Variants in PHACTR1 observed in about 807,000 individuals in gnomAD.
The protein encoded by PHACTR1 is RPEL repeat containing 1.
A neutral mutation model predicts 69.2 loss-of-function variants in PHACTR1; 16 were observed. The observed-to-expected ratio is 0.23, with a 90% CI of 0.16 to 0.35. The LOEUF (loss-of-function observed/expected upper bound fraction) is 0.35. Ranked by LOEUF, PHACTR1 falls within the 10% of genes least tolerant of loss-of-function variation. PHACTR1 has a pLI of 1.00. For missense variants in PHACTR1, 510 were observed against 734.7 expected (o/e 0.69, Z 3.54); for synonymous variants, 312 against 284.5 (o/e 1.10, Z -0.97).
chr6:12,931,066 T>C (rs1016177714), intron 4 of PHACTR1, among the ~76,000 whole-genome samples: 2 of 151,732 alleles, frequency 1.3e-5, no homozygotes, highest in African/African-American at 4.8e-5. Context: ...TAGGCAATTT[T>C]AGTGGTCAAG....
chr6:13,023,984 G>A (rs1369811110), intron 4 of PHACTR1, among the ~76,000 whole-genome samples: 1 of 152,052 alleles, frequency 6.6e-6, no homozygotes, highest in South Asian at 2.1e-4. Flanking sequence ...GGCTGAGGCT[G>A]GAGAATCACT....
chr6:13,090,146 C>T (rs1044804996), intron 5 of PHACTR1, among the ~76,000 whole-genome samples: 15 of 152,282 alleles, frequency 9.9e-5, no homozygotes, highest in African/African-American at 3.4e-4. Context: ...CCTCCGCCTC[C>T]TGTGTTCAAG....
At chr6:13,126,147 A>G (rs1819504883) in intron 5 of PHACTR1, among the ~76,000 whole-genome samples, 1 of 152,160 alleles carries the variant, frequency 6.6e-6, no homozygotes, top group South Asian at 2.1e-4. Flanking sequence ...AATGGTTCAA[A>G]TCATACAACT....
At chr6:12,743,288 C>G (rs558656924) in intron 3 of PHACTR1, among the ~76,000 whole-genome samples, 1 of 152,038 alleles carries the variant, frequency 6.6e-6, no homozygotes, top group South Asian at 2.1e-4. Flanking sequence ...TCTCTCCAGT[C>G]TCCCACTTTT....
chr6:12,868,586 A>G (rs1026064072), intron 4 of PHACTR1, among the ~76,000 whole-genome samples: 1 of 5,456 alleles, frequency 1.8e-4, no homozygotes, highest in African/African-American at 2.0e-4. Flanking sequence ...TATTGCAGAG[A>G]AACACATAAT....
intron 5 of PHACTR1, among the ~76,000 whole-genome samples, chr6:13,064,610 A>ATATATATATC (rs1808313715): frequency 4.3e-4 from 4 of 9,270 alleles, no homozygotes; most frequent in South Asian, 5.2e-3. Context: ...ATATATCTAT[A>ATATATATATC]TATCTATCTA....
At chr6:12,809,666 T>A (rs1335075897) in intron 4 of PHACTR1, among the ~76,000 whole-genome samples, 1 of 152,204 alleles carries the variant, frequency 6.6e-6, no homozygotes, top group African/African-American at 2.4e-5. Context: ...TTATGCCCAC[T>A]AATAAAATGG....
chr6:12,775,034 A>G (rs1484172424), intron 4 of PHACTR1, among the ~76,000 whole-genome samples: 2 of 152,180 alleles, frequency 1.3e-5, no homozygotes, highest in Non-Finnish European at 2.9e-5. Flanking sequence ...GGTGTCGGGC[A>G]GGAGCCTCTC....
chr6:13,145,855 G>A (rs61149299), intron 5 of PHACTR1, among the ~76,000 whole-genome samples: 1 of 152,204 alleles, frequency 6.6e-6, no homozygotes, highest in African/African-American at 2.4e-5. Context: ...CCGGTCTATA[G>A]TGTTTTGTCA....
intron 4 of PHACTR1, among the ~76,000 whole-genome samples, chr6:13,007,898 C>T (rs1322138719): frequency 6.6e-6 from 1 of 152,142 alleles, no homozygotes; most frequent in East Asian, 1.9e-4. Flanking sequence ...ATAATTTTCA[C>T]AGAGCAATCC....
chr6:13,196,781 A>G (rs576272116), intron 7 of PHACTR1, among the ~76,000 whole-genome samples: 213 of 152,330 alleles, frequency 1.4e-3, no homozygotes, highest in African/African-American at 4.9e-3. Context: ...ACTGAAACCT[A>G]GAAACCTCTC....
chr6:13,162,977 G>A (rs1051198277), intron 6 of PHACTR1, among the ~76,000 whole-genome samples: 4 of 152,186 alleles, frequency 2.6e-5, no homozygotes, highest in African/African-American at 9.6e-5. Context: ...CGGGCTCGGT[G>A]TCTCACGCCT....
At chr6:13,070,622 TAC>T (rs1048693569) in intron 5 of PHACTR1, among the ~76,000 whole-genome samples, 1 of 152,178 alleles carries the variant, frequency 6.6e-6, no homozygotes, top group Non-Finnish European at 1.5e-5. Context: ...CTTGAAAACA[TAC>T]AGAGTGAAAA....
intron 6 of PHACTR1, among the ~76,000 whole-genome samples, chr6:13,171,896 G>T (rs1270467185): frequency 6.6e-6 from 1 of 152,156 alleles, no homozygotes; most frequent in East Asian, 1.9e-4. Context: ...CTCCCAAGTA[G>T]CTGGGATTAC....
At chr6:13,009,358 G>A (rs527785855) in intron 4 of PHACTR1, among the ~76,000 whole-genome samples, 1 of 152,112 alleles carries the variant, frequency 6.6e-6, no homozygotes, top group Admixed American at 6.5e-5. Context: ...AATAGCTTGA[G>A]TTCAAATCAA....
intron 4 of PHACTR1, among the ~76,000 whole-genome samples, chr6:12,978,639 C>G (rs1300743534): frequency 1.3e-5 from 2 of 152,244 alleles, no homozygotes; most frequent in Non-Finnish European, 2.9e-5. Context: ...GCTTCTCCCA[C>G]CTACAAAGCT....
At chr6:13,118,186 T>C (rs1283493135) in intron 5 of PHACTR1, among the ~76,000 whole-genome samples, 2 of 152,226 alleles carry the variant, frequency 1.3e-5, no homozygotes, top group Non-Finnish European at 2.9e-5. Flanking sequence ...TCCTCCACCG[T>C]TCCTGCCAGG....
chr6:13,174,471 T>C (rs1288433570), intron 6 of PHACTR1, among the ~76,000 whole-genome samples: 2 of 152,264 alleles, frequency 1.3e-5, no homozygotes, highest in Non-Finnish European at 2.9e-5. Context: ...ATTCTTCTTA[T>C]GATTTTTGGT....
chr6:13,207,174 G>A lies in PHACTR1; in HGVS notation c.986+1038G>A, dbSNP rs544725260. Among the ~76,000 whole-genome samples, 8 of 152,294 alleles carry A rather than the reference G, an allele frequency of 5.3e-5. No individual in the cohort carries two copies. In the South Asian group the frequency reaches 1.7e-3, roughly 32 times the overall value. On this transcript the variant is annotated intron_variant, in intron 8 of 14. Transcript: ENST00000332995. ...TAATAGCATTTATTCCTGGTGTGGT[G>A]AAATGGGGAGAAAATACTTTTATAT...
Sources: gnomAD v4.1 joint callset for allele counts (sites outside exome capture counted in the v4.1 genomes callset) on GRCh38, gnomAD v4.1.1 for gene constraint, MANE v1.5 for transcripts, NCBI Gene and HGNC (gene_info 2026-07-23, HGNC 2026-07-21) for gene names.